Variants in CCNI observed in about 807,000 individuals in gnomAD.
CCNI encodes cyclin I, also known as cyclin-I.
Under a neutral mutation model 34.1 loss-of-function variants are expected in CCNI, and 14 were observed. That is an observed-to-expected ratio of 0.41 (90% CI 0.27 to 0.64). The LOEUF (loss-of-function observed/expected upper bound fraction) is 0.64, where lower values mean the gene tolerates loss of function less well. Ranked by LOEUF, CCNI falls within the 30% of genes least tolerant of loss-of-function variation. CCNI has a pLI of 0.31. For synonymous variants in CCNI, 154 were observed against 158.4 expected (o/e 0.97, Z 0.21); for missense variants, 385 against 440.5 (o/e 0.87, Z 1.13).
At chr4:77,056,652 C>T (rs1220237911) in intron 3 of CCNI, among the ~76,000 whole-genome samples, 2 of 147,930 alleles carry the variant, frequency 1.4e-5, no homozygotes, top group South Asian at 2.1e-4. Context: ...TGCAGTGGCA[C>T]GATGTCAGCT....
At chr4:77,048,750 C>T (rs1727627320) in intron 6 of CCNI, 88 bp from the exon 7 acceptor site, 1 of 958,282 alleles carries the variant, frequency 1.0e-6, no homozygotes, top group Non-Finnish European at 1.5e-6. Context: ...TTTTTCCTCC[C>T]TGTGCTTTCC....
chr4:77,053,328 G>A (rs1185565169), intron 6 of CCNI, among the ~76,000 whole-genome samples: 2 of 151,974 alleles, frequency 1.3e-5, no homozygotes, highest in Admixed American at 6.6e-5. Flanking sequence ...AGCTCTACAC[G>A]GCTCTAAGAA....
chr4:77,072,451 C>T (rs1467907134), intron 1 of CCNI, among the ~76,000 whole-genome samples: 1 of 70,166 alleles, frequency 1.4e-5, no homozygotes, highest in Non-Finnish European at 2.5e-5. Flanking sequence ...CCTGTCTCCA[C>T]CAAAAAAAAA....
chr4:77,055,261 T>C lies in CCNI; in HGVS notation c.579A>G (p.Gln193=). The C allele has an allele frequency of 4.3e-6, 7 of 1,614,124 alleles. No homozygotes were observed. Among genetic ancestry groups the C allele is most frequent in the Admixed American group, 1.7e-5 (1 of 60,030 alleles). ...KQLLHCMACN[Q]LLQFRGSMLA... ...GCATGGATCCTCTGAATTGCAGAAG[T>C]TGGTTGCAGGCCATACAGTGAAGTA... Residue 193 remains glutamine (Q), a synonymous_variant, in exon 6 of 7, where the codon CAA becomes CAG. Transcript: ENST00000237654.
At position 77,047,447 on chromosome 4, in the gene CCNI, C is replaced by G. The variant is rs1727511079; in HGVS notation, c.*772G>C. ...AGTGAAAACTATCAGTTAGAAAAAT[C>G]TAATTTAAGTTGTTAATACATGTTT... On this transcript the variant is annotated 3_prime_UTR_variant, in exon 7 of 7. Coordinates refer to ENST00000237654, the MANE Select transcript of CCNI (RefSeq NM_006835.3). 2 of 152,146 alleles carry G rather than the reference C, an allele frequency of 1.3e-5. No individual in the cohort carries two copies. Among genetic ancestry groups the G allele is most frequent in the African/African-American group, 4.8e-5 (2 of 41,428 alleles). 9.4% of individuals were successfully genotyped at this position (152,146 alleles called of 1,614,324 possible).
intron 2 of CCNI, among the ~76,000 whole-genome samples, chr4:77,064,359 T>G (rs938528215): frequency 2.6e-5 from 4 of 152,096 alleles, no homozygotes; most frequent in African/African-American, 9.7e-5. Context: ...GTTGGTTACA[T>G]GCTGACTTAA....
Position 77,055,126 on chromosome 4 carries a change from CTATT to C in CCNI, c.690+20_690+23del, listed in dbSNP as rs1728123883. ...ATAATAGAAAAACTTAAAAAGAACA[CTATT>C]TAATTAGACTGACACCTACCTGTGC... is the stretch of plus-strand genomic sequence containing the variant. On this transcript the variant is annotated intron_variant, in intron 6 of 6. Coordinates refer to ENST00000237654, the MANE Select transcript of CCNI (RefSeq NM_006835.3). 2.7e-6 allele frequency: 4 copies of C among 1,478,658 alleles called. No individual in the cohort carries two copies. The African/African-American group carries it at 4.2e-5, about 15-fold the overall frequency. 91.6% of individuals were successfully genotyped at this position (1,478,658 alleles called of 1,614,324 possible).
At chr4:77,069,683 C>T (rs1037141349) in intron 1 of CCNI, among the ~76,000 whole-genome samples, 4 of 148,506 alleles carry the variant, frequency 2.7e-5, no homozygotes, top group Non-Finnish European at 5.9e-5. Flanking sequence ...GTCCACAGCA[C>T]AGTACTTCGA....
chr4:77,056,018 G>A lies in CCNI; in HGVS notation c.403C>T (p.Leu135=), dbSNP rs1266737040. The change falls in exon 5 of 7, where the codon CTG becomes TTG. Residue 135 remains leucine (L), a synonymous_variant. Coordinates refer to ENST00000237654, the MANE Select transcript of CCNI (RefSeq NM_006835.3). ...TGAAGATCCCAATTCAACTTATCCAGAATAATTCTCTCCATTCTCAAAATT... is the reference window on the plus strand; with the variant it reads ...TGAAGATCCCAATTCAACTTATCCAAAATAATTCTCTCCATTCTCAAAATT... ...SEILRMERII[L]DKLNWDLHTA... is the part of the protein sequence containing the mutation. 2 of 1,613,244 alleles carry A rather than the reference G, an allele frequency of 1.2e-6. No homozygotes were observed. The highest frequency in any genetic ancestry group is 2.2e-5 in the South Asian group (2 of 91,068).
At chr4:77,049,936 T>C (rs1727715230) in intron 6 of CCNI, among the ~76,000 whole-genome samples, 1 of 152,132 alleles carries the variant, frequency 6.6e-6, no homozygotes, top group African/African-American at 2.4e-5. Flanking sequence ...TTAGTTAGCA[T>C]CATATATTCC....
At chr4:77,051,686 A>C (rs1727850587) in intron 6 of CCNI, among the ~76,000 whole-genome samples, 3 of 152,258 alleles carry the variant, frequency 2.0e-5, no homozygotes, top group Non-Finnish European at 4.4e-5. Context: ...GAAGAAACAA[A>C]ACAAGCACAT....
At chr4:77,066,582 C>T (rs1239193149) in intron 1 of CCNI, among the ~76,000 whole-genome samples, 177 bp from the exon 2 acceptor site, 1 of 152,212 alleles carries the variant, frequency 6.6e-6, no homozygotes. Context: ...AACATTCACA[C>T]TTGAAATCTG....
chr4:77,067,671 T>TG (rs1316547222), intron 1 of CCNI, among the ~76,000 whole-genome samples: 5 of 150,252 alleles, frequency 3.3e-5, no homozygotes, highest in Non-Finnish European at 7.4e-5. Context: ...TGTGGGGTTT[T>TG]TTTTTTTTTT....
At chr4:77,049,717 G>C (rs976675887) in intron 6 of CCNI, among the ~76,000 whole-genome samples, 4 of 149,950 alleles carry the variant, frequency 2.7e-5, no homozygotes, top group Non-Finnish European at 5.9e-5. Context: ...ACCTTTCAAC[G>C]TATTTACCAC....
At chr4:77,073,399 C>G (rs1276683842) in intron 1 of CCNI, among the ~76,000 whole-genome samples, 1 of 152,212 alleles carries the variant, frequency 6.6e-6, no homozygotes, top group Non-Finnish European at 1.5e-5. Context: ...ACAATATAAA[C>G]AACTTCACTA....
Position 77,047,726 on chromosome 4 carries a change from A to G in CCNI, c.*493T>C, listed in dbSNP as rs1727526518. 5 of 153,368 alleles carry G rather than the reference A, an allele frequency of 3.3e-5. No individual in the cohort carries two copies. The highest frequency in any genetic ancestry group is 1.3e-4 in the Admixed American group (2 of 15,442). The allele number at this position is 153,368 out of a possible 1,614,324, so 9.5% of individuals were successfully genotyped here. A position where few individuals can be genotyped will look rare whatever the true frequency, so the allele number is the denominator to read the frequency against. ...AAAGTACCCTTTTCAGACTAATTGG[A>G]ACTTGAGTCATGGCTGTCACACTGA... On this transcript the variant is annotated 3_prime_UTR_variant, in exon 7 of 7. Transcript: ENST00000237654.
chr4:77,069,886 A>G (rs536541827), intron 1 of CCNI, among the ~76,000 whole-genome samples: 2 of 151,932 alleles, frequency 1.3e-5, no homozygotes, highest in East Asian at 3.9e-4. Flanking sequence ...AATCCTTCCA[A>G]TCTTTGAAGG....
intron 2 of CCNI, chr4:77,065,019 T>C (rs1378838731): frequency 5.9e-5 from 9 of 152,186 alleles, no homozygotes; most frequent in Admixed American, 4.6e-4. Context: ...CTTGAGCAAA[T>C]TGGGACTACT....
rs4252871 is a variant in CCNI at position 77,058,737 on chromosome 4, A to C, written c.115-102T>G. The stretch of plus-strand genomic sequence containing the variant: ...AAAAGGTTAGGTAATACTACAAAAT[A>C]TATTTAAAAATGTTAAGGTTATTCA... On this transcript the variant is annotated intron_variant, in intron 2 of 6. Coordinates refer to ENST00000237654, the MANE Select transcript of CCNI (RefSeq NM_006835.3). The C allele has an allele frequency of 4.4e-6, 4 of 905,318 alleles. No homozygotes were observed. The African/African-American group carries it at 6.9e-5, about 16-fold the overall frequency. 56.1% of individuals were successfully genotyped at this position (905,318 alleles called of 1,614,324 possible).
Sources: gnomAD v4.1 joint callset for allele counts (sites outside exome capture counted in the v4.1 genomes callset) on GRCh38, gnomAD v4.1.1 for gene constraint, MANE v1.5 for transcripts, NCBI Gene and HGNC (gene_info 2026-07-23, HGNC 2026-07-21) for gene names.